CCDC158: variants seen among roughly 807,000 people sequenced by gnomAD.
CCDC158 encodes the protein coiled-coil domain-containing protein 158.
CCDC158 carries 116 observed loss-of-function variants against 138.6 expected under a neutral mutation model. The ratio of observed to expected loss-of-function variants is 0.84; its 90% CI spans 0.72 to 0.98. The LOEUF is 0.98. Ranked by LOEUF, CCDC158 falls within the 50% of genes least tolerant of loss-of-function variation. The probability of loss-of-function intolerance (pLI) is 0.00; values close to 1 mark genes in which losing one functional copy is unlikely to be tolerated. For missense variants in CCDC158, 1,265 were observed against 1,306.1 expected (o/e 0.97, Z 0.48); for synonymous variants, 436 against 442.4 (o/e 0.99, Z 0.18).
At chr4:76,329,545 T>C (rs10015631) in intron 21 of CCDC158, among the ~76,000 whole-genome samples, 38,051 of 152,004 alleles carry the variant, frequency 0.25, 5,886 homozygotes, top group East Asian at 0.69. Flanking sequence ...GATCACGCCA[T>C]TGCACTCCAG....
chr4:76,347,082 G>A (rs7692772), intron 18 of CCDC158, among the ~76,000 whole-genome samples: 4,020 of 152,278 alleles, frequency 0.026, 174 homozygotes, highest in African/African-American at 0.092. Flanking sequence ...GTTGGTGGAA[G>A]TGTAAATTAG....
intron 18 of CCDC158, among the ~76,000 whole-genome samples, chr4:76,335,869 G>A (rs1478459591): frequency 2.0e-5 from 3 of 151,730 alleles, no homozygotes; most frequent in Admixed American, 2.0e-4. Flanking sequence ...CACTGTGCTG[G>A]CTGACATGAG....
At chr4:76,322,548 TAA>T (rs1720123121) in intron 24 of CCDC158, among the ~76,000 whole-genome samples, 1 of 152,240 alleles carries the variant, frequency 6.6e-6, no homozygotes, top group Non-Finnish European at 1.5e-5. Flanking sequence ...TTAATAAGGT[TAA>T]GTTTATTTTA....
At chr4:76,328,577 C>A (rs1720735117) in intron 22 of CCDC158, among the ~76,000 whole-genome samples, 2 of 152,202 alleles carry the variant, frequency 1.3e-5, no homozygotes, top group African/African-American at 2.4e-5. Context: ...AGCCATCACA[C>A]CTGGCTGGTT....
chr4:76,375,488 C>T (rs1382945876), intron 9 of CCDC158: 9 of 678,920 alleles, frequency 1.3e-5, no homozygotes, highest in Non-Finnish European at 1.9e-5. Flanking sequence ...TCTTCCTGCA[C>T]AGTATATAGC....
At chr4:76,401,460 G>C (rs868505692) in intron 3 of CCDC158, 91 of 381,494 alleles carry the variant, frequency 2.4e-4, no homozygotes, top group African/African-American at 1.6e-3. Context: ...CTGAGGCCTT[G>C]AGTGCATTGA....
At chr4:76,336,365 T>C (rs890100728) in intron 18 of CCDC158, among the ~76,000 whole-genome samples, 3 of 152,144 alleles carry the variant, frequency 2.0e-5, no homozygotes, top group Non-Finnish European at 4.4e-5. Flanking sequence ...GATTTGATCA[T>C]CATTGTCTTT....
At chr4:76,335,393 T>C (rs1008113620) in intron 18 of CCDC158, among the ~76,000 whole-genome samples, 2 of 152,188 alleles carry the variant, frequency 1.3e-5, no homozygotes, top group African/African-American at 4.8e-5. Flanking sequence ...CTTCCCATCT[T>C]CTGCCCACCA....
chr4:76,362,457 A>G lies in CCDC158; in HGVS notation c.1831-142T>C, dbSNP rs551913516. ...CTTTTCTGCCTCCTATCTGTATTCC[A>G]TCTATATTTATTATCTTTTCATTAC... On this transcript the variant is annotated intron_variant, in intron 12 of 24. Transcript: ENST00000682701. 1,549 of 532,278 alleles carry G rather than the reference A, an allele frequency of 2.9e-3. 4 individuals carry two copies. The highest frequency in any genetic ancestry group is 3.7e-3 in the Non-Finnish European group (1,130 of 307,634). The allele number at this position is 532,278 out of a possible 1,614,324, so 33.0% of individuals were successfully genotyped here.
At chr4:76,322,192 A>G (rs1430048198) in intron 24 of CCDC158, among the ~76,000 whole-genome samples, 1 of 152,150 alleles carries the variant, frequency 6.6e-6, no homozygotes, top group Non-Finnish European at 1.5e-5. Flanking sequence ...ACTTAAAACC[A>G]AATGCTTTTC....
At chr4:76,379,259 C>T in intron 9 of CCDC158, 31 bp downstream of exon 9, 2 of 1,329,324 alleles carry the variant, frequency 1.5e-6, no homozygotes, top group East Asian at 4.7e-5. Context: ...ATTAAAGTCT[C>T]TAGAAACAGA....
At chr4:76,332,350 C>A (rs1560792725) in intron 20 of CCDC158, 82 bp downstream of exon 20, 2 of 1,184,432 alleles carry the variant, frequency 1.7e-6, no homozygotes, top group Non-Finnish European at 2.5e-6. Flanking sequence ...AAACTTATGT[C>A]CAAACAGACT....
chr4:76,368,997 T>C (rs1724962436), intron 11 of CCDC158, among the ~76,000 whole-genome samples: 2 of 151,986 alleles, frequency 1.3e-5, no homozygotes, highest in South Asian at 2.1e-4. Context: ...GGGCAGATCA[T>C]GAGGTCATGA....
At position 76,368,738 on chromosome 4, in the gene CCDC158, CT is replaced by C. The variant is rs773004147; in HGVS notation, c.1347+687del. Among the ~76,000 whole-genome samples, 11 of 152,238 alleles carry C rather than the reference CT, an allele frequency of 7.2e-5. No individual in the cohort carries two copies. The East Asian group carries it at 1.9e-3, about 27-fold the overall frequency. ...TGGGAGAAAAATAAAGCAAAAAAAT[CT>C]GTTAGAAACCTTCAACCCTGTTGCT... On this transcript the variant is annotated intron_variant, in intron 11 of 24. Transcript: ENST00000682701.
intron 18 of CCDC158, among the ~76,000 whole-genome samples, chr4:76,342,055 G>A (rs145867884): frequency 0.013 from 1,976 of 152,080 alleles, 18 homozygotes; most frequent in Middle Eastern, 0.054. Flanking sequence ...AAGTCCTGCC[G>A]AAATTATTAC....
intron 18 of CCDC158, among the ~76,000 whole-genome samples, chr4:76,338,541 A>G (rs1721759339): frequency 6.6e-6 from 1 of 152,204 alleles, no homozygotes; most frequent in Admixed American, 6.5e-5. Context: ...GAAAAACATT[A>G]GCAGAGAGGG....
chr4:76,365,528 C>T (rs536337003), intron 12 of CCDC158, among the ~76,000 whole-genome samples: 30 of 152,292 alleles, frequency 2.0e-4, no homozygotes, highest in Non-Finnish European at 4.0e-4. Flanking sequence ...CTTCCTACCC[C>T]TAAACCTTTA....
At chr4:76,368,927 A>C (rs936877949) in intron 11 of CCDC158, among the ~76,000 whole-genome samples, 1 of 152,220 alleles carries the variant, frequency 6.6e-6, no homozygotes, top group African/African-American at 2.4e-5. Context: ...ATTAGTGTCT[A>C]TATATAGGCC....
In CCDC158 at chr4:76,333,782, C is replaced by A. The variant is rs1258081332; in HGVS notation, c.2822+228G>T. 2.0e-5 allele frequency among the ~76,000 whole-genome samples: 3 copies of A among 152,140 alleles called. No individual in the cohort carries two copies. The East Asian group carries it at 5.8e-4, about 29-fold the overall frequency. On this transcript the variant is annotated intron_variant, in intron 19 of 24. Coordinates refer to ENST00000682701, the MANE Select transcript of CCDC158 (RefSeq NM_001394954.1). ...TTTACAAACATAACTTTGGGTGACA[C>A]CTTGCACTGGGTATTTTCTGAATAG...
Sources: allele counts gnomAD v4.1 joint callset (sites outside exome capture counted in the v4.1 genomes callset), GRCh38; gene constraint gnomAD v4.1.1; transcripts MANE v1.5; gene names NCBI Gene and HGNC (gene_info 2026-07-23, HGNC 2026-07-21).